The following EBF2 variants were observed in gnomAD, a reference collection of about 807,000 sequenced individuals.
The protein encoded by EBF2 is EBF transcription factor 2.
In EBF2, 21 loss-of-function variants were observed where a neutral mutation model predicts 72.8. The ratio of observed to expected loss-of-function variants is 0.29; its 90% CI spans 0.20 to 0.42. The LOEUF (loss-of-function observed/expected upper bound fraction) is 0.42. Ranked by LOEUF, EBF2 falls within the 10% of genes least tolerant of loss-of-function variation. The pLI, the probability that EBF2 is intolerant of heterozygous loss-of-function variation, is 1.00. For missense variants in EBF2, 637 were observed against 731.2 expected (o/e 0.87, Z 1.49); for synonymous variants, 299 against 274.2 (o/e 1.09, Z -0.89).
chr8:25,916,333 A>G (rs2059492038), intron 6 of EBF2, among the ~76,000 whole-genome samples: 2 of 151,848 alleles, frequency 1.3e-5, no homozygotes, highest in Non-Finnish European at 2.9e-5. Context: ...AAAAACAACA[A>G]CAACAAAAAA....
At position 25,897,552 on chromosome 8, in the gene EBF2, C is replaced by G. The variant is rs553531227; in HGVS notation, c.634-7683G>C. Among the ~76,000 whole-genome samples, 9 of 152,216 alleles carry G rather than the reference C, an allele frequency of 5.9e-5. No homozygotes were observed. The East Asian group carries it at 1.7e-3, about 29-fold the overall frequency. ...TGCTAGTAATCCCTAGTGTCTATTA[C>G]CCCCATCTTTATGTCCATTGGTACC... On this transcript the variant is annotated intron_variant, in intron 7 of 15. Coordinates refer to ENST00000520164, the MANE Select transcript of EBF2 (RefSeq NM_022659.4).
In EBF2 at chr8:25,861,438, A is replaced by G. The variant is rs557023022; in HGVS notation, c.1099-64T>C. On this transcript the variant is annotated intron_variant, in intron 11 of 15. Coordinates refer to ENST00000520164, the MANE Select transcript of EBF2 (RefSeq NM_022659.4). Reference sequence around the variant, plus strand: ...AATCCAAGATGGCAAACAAAAGAAAATTATAGGCAAAAATGAGAAATCCAC... The same window carrying G: ...AATCCAAGATGGCAAACAAAAGAAAGTTATAGGCAAAAATGAGAAATCCAC... 39 of 1,582,292 alleles carry G rather than the reference A, an allele frequency of 2.5e-5. No homozygotes were observed. The African/African-American group carries it at 4.9e-4, about 20-fold the overall frequency.
At chr8:25,870,605 A>T (rs932115590) in intron 10 of EBF2, among the ~76,000 whole-genome samples, 2 of 152,086 alleles carry the variant, frequency 1.3e-5, no homozygotes, top group South Asian at 2.1e-4. Context: ...GAGTTTTTTT[A>T]AAATATAATT....
intron 6 of EBF2, among the ~76,000 whole-genome samples, chr8:25,966,971 A>C (rs909286898): frequency 6.6e-6 from 1 of 152,208 alleles, no homozygotes; most frequent in African/African-American, 2.4e-5. Context: ...TAAATCCTAG[A>C]GCCAATGTCA....
At chr8:26,040,528 G>C (rs1585238169) in intron 4 of EBF2, 88 bp downstream of exon 4, 2 of 1,262,638 alleles carry the variant, frequency 1.6e-6, no homozygotes, top group East Asian at 5.1e-5. Context: ...AGGAAATCGT[G>C]GAGGAGGGGC....
At chr8:25,864,584 G>A (rs1460079682) in intron 10 of EBF2, among the ~76,000 whole-genome samples, 1 of 151,734 alleles carries the variant, frequency 6.6e-6, no homozygotes, top group Non-Finnish European at 1.5e-5. Flanking sequence ...TAACTTATCT[G>A]GATTTTACTT....
intron 10 of EBF2, among the ~76,000 whole-genome samples, chr8:25,872,594 A>T (rs1015779321): frequency 6.6e-6 from 1 of 152,192 alleles, no homozygotes; most frequent in African/African-American, 2.4e-5. Context: ...GAACTAGAGG[A>T]TCACTACAGT....
intron 4 of EBF2, among the ~76,000 whole-genome samples, 170 bp downstream of exon 4, chr8:26,040,446 A>G (rs1805579254): frequency 6.6e-6 from 1 of 151,748 alleles, no homozygotes; most frequent in African/African-American, 2.4e-5. Flanking sequence ...AGGGAAGAAA[A>G]AAAAAAAAAA....
rs1395527011 is a variant in EBF2 at position 25,866,338 on chromosome 8, TGGTTCAATAAG to T, written c.1010-3552_1010-3542del. 4.0e-5 allele frequency among the ~76,000 whole-genome samples: 6 copies of T among 150,600 alleles called. No individual in the cohort carries two copies. In the South Asian group the frequency reaches 6.2e-4, roughly 16 times the overall value. On this transcript the variant is annotated intron_variant, in intron 10 of 15. Transcript: ENST00000520164. ...TATTTGAGATAGATATTATTTATCATGGTTCAATAAGGGTTCAATAAGGGTTATCAGGACTT... is the reference window on the plus strand; with the variant it reads ...TATTTGAGATAGATATTATTTATCATGGTTCAATAAGGGTTATCAGGACTT...
chr8:25,970,505 C>G (rs561199865), intron 6 of EBF2, among the ~76,000 whole-genome samples: 25 of 152,206 alleles, frequency 1.6e-4, no homozygotes, highest in African/African-American at 5.8e-4. Context: ...GGGTCTCAGT[C>G]CCTCCCCAAC....
intron 6 of EBF2, among the ~76,000 whole-genome samples, chr8:25,944,099 A>G (rs1189738739): frequency 6.6e-6 from 1 of 152,206 alleles, no homozygotes; most frequent in Non-Finnish European, 1.5e-5. Flanking sequence ...TATTTAAGTT[A>G]TGCTAAGCAC....
intron 6 of EBF2, among the ~76,000 whole-genome samples, chr8:25,959,684 C>T (rs1439374873): frequency 6.6e-6 from 1 of 152,172 alleles, no homozygotes; most frequent in African/African-American, 2.4e-5. Flanking sequence ...TTGCCGCAAA[C>T]ATCTTTGCCC....
At chr8:25,963,277 G>C (rs1314681919) in intron 6 of EBF2, among the ~76,000 whole-genome samples, 1 of 152,136 alleles carries the variant, frequency 6.6e-6, no homozygotes, top group Non-Finnish European at 1.5e-5. Flanking sequence ...TTTGGCCTCT[G>C]CATCTCATTT....
At chr8:25,974,942 C>T (rs974245090) in intron 6 of EBF2, among the ~76,000 whole-genome samples, 14 of 152,160 alleles carry the variant, frequency 9.2e-5, no homozygotes, top group African/African-American at 2.2e-4. Context: ...CCGGCTGCCC[C>T]GCCCCTCTTG....
At chr8:26,041,026 T>TG in intron 2 of EBF2, 24 bp from the exon 3 acceptor site, 1 of 1,613,404 alleles carries the variant, frequency 6.2e-7, no homozygotes, top group Non-Finnish European at 8.5e-7. Flanking sequence ...CAGCGTTCGA[T>TG]TCCCTTGCCT....
intron 10 of EBF2, among the ~76,000 whole-genome samples, chr8:25,884,008 CAT>C (rs1033379272): frequency 2.6e-5 from 4 of 152,096 alleles, no homozygotes; most frequent in Non-Finnish European, 4.4e-5. Context: ...ACTTCTCCAC[CAT>C]ATCATGGTGA....
intron 14 of EBF2, among the ~76,000 whole-genome samples, chr8:25,853,896 A>G (rs1334190603): frequency 6.6e-6 from 1 of 152,162 alleles, no homozygotes; most frequent in Non-Finnish European, 1.5e-5. Flanking sequence ...TAAAAATACA[A>G]ATAGCAAAAC....
chr8:25,893,217 T>C (rs1802812181), intron 7 of EBF2, among the ~76,000 whole-genome samples: 1 of 151,188 alleles, frequency 6.6e-6, no homozygotes, highest in Non-Finnish European at 1.5e-5. Flanking sequence ...CTGTCATCTC[T>C]GGAAAAAACA....
chr8:25,925,299 C>T (rs999664116), intron 6 of EBF2, among the ~76,000 whole-genome samples: 6 of 151,796 alleles, frequency 4.0e-5, no homozygotes, highest in African/African-American at 1.2e-4. Context: ...TCAGAAAACC[C>T]GGGGTGCACA....
Sources: gnomAD v4.1 joint callset for allele counts (sites outside exome capture counted in the v4.1 genomes callset) on GRCh38, gnomAD v4.1.1 for gene constraint, MANE v1.5 for transcripts, NCBI Gene and HGNC (gene_info 2026-07-23, HGNC 2026-07-21) for gene names.